Variants in KLF17 observed in about 807,000 individuals in gnomAD.
KLF17 encodes Krueppel-like factor 17.
In KLF17, 31 loss-of-function variants were observed where a neutral mutation model predicts 34.2. That is an observed-to-expected ratio of 0.91 (90% confidence interval 0.68 to 1.22). The LOEUF (loss-of-function observed/expected upper bound fraction) is 1.22, where lower values mean the gene tolerates loss of function less well. Ranked by LOEUF, KLF17 falls within the 50% of genes most tolerant of loss-of-function variation. The pLI is 0.00. For missense variants in KLF17, 478 were observed against 505.2 expected (o/e 0.95, Z 0.52); for synonymous variants, 179 against 186.7 (o/e 0.96, Z 0.34).
the KLF17 span, among the ~76,000 whole-genome samples, chr1:44,084,631 G>A: frequency 2.7e-5 from 4 of 150,748 alleles, no homozygotes; most frequent in African/African-American, 9.8e-5. Flanking sequence ...AGCTTGCTAT[G>A]ATCCTGCCAC....
chr1:44,119,128 A>G (rs1395704243), intron 1 of KLF17, 140 bp downstream of exon 1: 1 of 400,694 alleles, frequency 2.5e-6, no homozygotes, highest in Non-Finnish European at 4.3e-6. Flanking sequence ...GTGGCAAAGG[A>G]AGGAATGGGA....
At chr1:44,060,707 C>T in the KLF17 span, among the ~76,000 whole-genome samples, 27 of 152,254 alleles carry the variant, frequency 1.8e-4, no homozygotes, top group African/African-American at 6.5e-4. Context: ...CCCTAAAGAA[C>T]CCTAAAGAAC....
At chr1:44,074,833 A>G in the KLF17 span, 1 of 152,242 alleles carries the variant, frequency 6.6e-6, no homozygotes. Flanking sequence ...TATTTATAAT[A>G]TCAGGAAACC....
rs967430823 is a variant in KLF17 at position 44,133,430 on chromosome 1, A to G, written c.*193A>G. ...CTAAAGGATGTGTCAGGGAAGAAAG[A>G]CTTCTCAAGGAGGTGCCTCCATCAG... On this transcript the variant is annotated 3_prime_UTR_variant, in exon 4 of 4. Transcript: ENST00000372299. The G allele has an allele frequency of 2.6e-5, 4 of 152,248 alleles. No homozygotes were observed. The highest frequency in any genetic ancestry group is 7.2e-5 in the African/African-American group (3 of 41,414). The allele number at this position is 152,248 out of a possible 1,614,324, so 9.4% of individuals were successfully genotyped here.
chr1:44,052,359 G>T, the KLF17 span, among the ~76,000 whole-genome samples: 3 of 152,236 alleles, frequency 2.0e-5, no homozygotes, highest in African/African-American at 7.2e-5. Flanking sequence ...GGGACTGGGA[G>T]TTCCCAGGCC....
At chr1:44,085,963 G>C in the KLF17 span, among the ~76,000 whole-genome samples, 1 of 152,134 alleles carries the variant, frequency 6.6e-6, no homozygotes, top group African/African-American at 2.4e-5. Context: ...TGCTGTTCTG[G>C]AAACCAAGTG....
the KLF17 span, among the ~76,000 whole-genome samples, chr1:44,069,720 A>C: frequency 6.6e-6 from 1 of 152,118 alleles, no homozygotes; most frequent in African/African-American, 2.4e-5. The surrounding 1 kb of genome is among the most constrained non-coding windows in gnomAD (Gnocchi z 4.7). Flanking sequence ...ATATCACCCT[A>C]GTCCTAACTT....
At chr1:44,046,905 C>T in the KLF17 span, among the ~76,000 whole-genome samples, 3 of 151,862 alleles carry the variant, frequency 2.0e-5, no homozygotes, top group Non-Finnish European at 4.4e-5. Context: ...CACCTGTAAT[C>T]CCAGCTACTC....
chr1:44,086,954 C>A, the KLF17 span, among the ~76,000 whole-genome samples: 107 of 152,260 alleles, frequency 7.0e-4, no homozygotes, highest in African/African-American at 2.6e-3. Context: ...TAAGTGCCCA[C>A]TTGAGGTAAG....
chr1:44,046,014 C>T, the KLF17 span: 22 of 152,046 alleles, frequency 1.4e-4, no homozygotes, highest in African/African-American at 2.7e-4. Context: ...TGTATGTAGA[C>T]GTTTTCTTAA....
At chr1:44,104,692 C>G in the KLF17 span, 1 of 401,642 alleles carries the variant, frequency 2.5e-6, no homozygotes, top group Non-Finnish European at 4.6e-6. Context: ...TGGGCCCACT[C>G]GTATAGGAGC....
chr1:44,084,926 TAG>T, the KLF17 span, among the ~76,000 whole-genome samples: 29 of 112,832 alleles, frequency 2.6e-4, no homozygotes, highest in South Asian at 9.4e-4. Flanking sequence ...AAATAAAAAT[TAG>T]AAAAAAAAAA....
the KLF17 span, among the ~76,000 whole-genome samples, chr1:44,109,566 AT>A: frequency 5.3e-5 from 8 of 151,948 alleles, no homozygotes; most frequent in Non-Finnish European, 1.0e-4. Flanking sequence ...AGTTTATTTT[AT>A]TTTTTTTAAC....
At chr1:44,060,710 T>G in the KLF17 span, among the ~76,000 whole-genome samples, 3 of 152,098 alleles carry the variant, frequency 2.0e-5, no homozygotes, top group African/African-American at 7.2e-5. Context: ...TAAAGAACCC[T>G]AAAGAACTTG....
intron 1 of KLF17, chr1:44,122,223 C>T (rs2485646): frequency 0.31 from 504,396 of 1,601,742 alleles, 82,677 homozygotes; most frequent in Admixed American, 0.4. Flanking sequence ...TCTGCCTCTT[C>T]CTGCAACAGC....
the KLF17 span, among the ~76,000 whole-genome samples, chr1:44,099,038 A>G: frequency 2.0e-5 from 3 of 152,018 alleles, no homozygotes; most frequent in Non-Finnish European, 4.4e-5. Flanking sequence ...ACCAATATAC[A>G]GTGTTACATG....
At chr1:44,090,306 CAAAAAAAAAAAAAAAAAA>C in the KLF17 span, among the ~76,000 whole-genome samples, 3 of 23,410 alleles carry the variant, frequency 1.3e-4, no homozygotes, top group Non-Finnish European at 2.1e-4. Flanking sequence ...CTTGTCTCTA[CAAAAAAAAAAAAAAAAAA>C]AAAAAAAAAA....
chr1:44,098,820 G>A, the KLF17 span, among the ~76,000 whole-genome samples: 2 of 151,534 alleles, frequency 1.3e-5, no homozygotes, highest in African/African-American at 2.4e-5. Flanking sequence ...AAAGTGCTGG[G>A]ATTACAGGTG....
In KLF17 at chr1:44,118,935, G is replaced by C. The variant is rs761955311; in HGVS notation, c.28G>C (p.Glu10Gln). 41 of 1,612,374 alleles carry C rather than the reference G, an allele frequency of 2.5e-5. No homozygotes were observed. The highest frequency in any genetic ancestry group is 3.2e-5 in the Non-Finnish European group (38 of 1,179,340). The change falls in exon 1 of 4, where the codon GAA (glutamate) becomes CAA (glutamine). Residue 10 changes from glutamate to glutamine, a missense_variant. Glu to Gln is a conservative substitution (Grantham distance 29). Transcript: ENST00000372299. ...GTACGGCCGACCGCAGGCTGAGATG[G>C]AACAGGAGGCTGGGGAGCTGAGCCG... MYGRPQAEM[E>Q]QEAGELSRWQ...
Sources: allele counts gnomAD v4.1 joint callset (sites outside exome capture counted in the v4.1 genomes callset), GRCh38; gene constraint gnomAD v4.1.1; non-coding constraint Gnocchi (gnomAD v3.1); transcripts MANE v1.5; gene names NCBI Gene and HGNC (gene_info 2026-07-23, HGNC 2026-07-21).